MYT1L: variants seen among roughly 807,000 people sequenced by gnomAD.
MYT1L encodes the protein myelin transcription factor 1 like.
In MYT1L, 12 loss-of-function variants were observed where a neutral mutation model predicts 126.7. The observed-to-expected ratio is 0.09, with a 90% CI of 0.06 to 0.15. The LOEUF is 0.15. MYT1L is among the 10% of genes least tolerant of loss of function. The pLI, the probability that MYT1L is intolerant of heterozygous loss-of-function variation, is 1.00. For synonymous variants in MYT1L, 541 were observed against 604.2 expected, an observed-to-expected ratio of 0.90 and a Z score of 1.53; for missense variants, 979 against 1,585.2, an observed-to-expected ratio of 0.62 and a Z score of 6.49.
intron 3 of MYT1L, among the ~76,000 whole-genome samples, chr2:2,072,584 G>T (rs1463936425): frequency 1.3e-5 from 2 of 152,120 alleles, no homozygotes. Context: ...CAGTTCTGGA[G>T]GCTGGAAGTC....
chr2:1,997,440 A>G (rs1317719701), intron 4 of MYT1L, 93 bp from the exon 5 acceptor site: 1 of 152,544 alleles, frequency 6.6e-6, no homozygotes, highest in Non-Finnish European at 1.5e-5. Flanking sequence ...GCAACCGTCA[A>G]CATGCACACA....
chr2:2,154,593 C>T (rs141776419), intron 3 of MYT1L, among the ~76,000 whole-genome samples: 4 of 152,256 alleles, frequency 2.6e-5, no homozygotes, highest in Non-Finnish European at 4.4e-5. Context: ...AACCAAATAC[C>T]GCATGTTCTC....
chr2:2,122,496 TAA>T (rs1415130884), intron 3 of MYT1L, among the ~76,000 whole-genome samples: 1 of 152,184 alleles, frequency 6.6e-6, no homozygotes. Flanking sequence ...TTCCTCCCTG[TAA>T]TGGCCGGCGT....
chr2:2,079,978 T>A (rs1307262664), intron 3 of MYT1L, among the ~76,000 whole-genome samples: 1 of 152,198 alleles, frequency 6.6e-6, no homozygotes, highest in Non-Finnish European at 1.5e-5. Flanking sequence ...GGATAGATAC[T>A]GATCAATGAA....
intron 3 of MYT1L, among the ~76,000 whole-genome samples, chr2:2,135,754 G>A (rs2082965102): frequency 6.6e-6 from 1 of 152,154 alleles, no homozygotes; most frequent in Non-Finnish European, 1.5e-5. Flanking sequence ...CATCATCAAT[G>A]AGTGACCAAA....
chr2:1,892,421 AC>A (rs1466810027), intron 14 of MYT1L, 134 bp from the exon 15 acceptor site: 3 of 1,213,826 alleles, frequency 2.5e-6, no homozygotes, highest in Non-Finnish European at 3.3e-6. Context: ...GCTGGGGCTT[AC>A]GCGTAAAGAA....
intron 14 of MYT1L, among the ~76,000 whole-genome samples, chr2:1,899,258 C>T (rs559089080): frequency 1.2e-4 from 19 of 152,354 alleles, no homozygotes; most frequent in Middle Eastern, 3.4e-3. Context: ...TGGGAGCAAC[C>T]GCAGCCTGCC....
intron 19 of MYT1L, among the ~76,000 whole-genome samples, chr2:1,844,346 G>A (rs1255708804): frequency 1.3e-5 from 2 of 152,122 alleles, no homozygotes. Flanking sequence ...GAAAACAAGG[G>A]AACGTTTCCC....
intron 2 of MYT1L, among the ~76,000 whole-genome samples, chr2:2,250,354 C>T (rs1264690898): frequency 6.6e-6 from 1 of 151,994 alleles, no homozygotes; most frequent in Non-Finnish European, 1.5e-5. Flanking sequence ...GAGATTCTGC[C>T]ATTTGCACCA....
chr2:2,248,560 G>T (rs776894588), intron 2 of MYT1L, among the ~76,000 whole-genome samples: 18 of 151,930 alleles, frequency 1.2e-4, no homozygotes, highest in Non-Finnish European at 2.2e-4. Flanking sequence ...CACCACCAAA[G>T]ACACATCAAA....
At chr2:2,254,492 C>A (rs1281162144) in intron 2 of MYT1L, among the ~76,000 whole-genome samples, 1 of 152,216 alleles carries the variant, frequency 6.6e-6, no homozygotes, top group African/African-American at 2.4e-5. Flanking sequence ...TCTAGAGCTG[C>A]ATTGCCGTGG....
intron 21 of MYT1L, among the ~76,000 whole-genome samples, chr2:1,829,252 C>A (rs1211379828): frequency 1.3e-5 from 2 of 151,866 alleles, no homozygotes; most frequent in African/African-American, 4.8e-5. Flanking sequence ...CACCTTCCAA[C>A]CTTCCCATAC....
Position 2,278,797 on chromosome 2 carries a change from T to A in MYT1L, c.-421+5607A>T, listed in dbSNP as rs73914912. ...TTTTAACACCATGTATTTCTTCTTA[T>A]GGGAAACAGTAGGACAGTGGTGAAC... On this transcript the variant is annotated intron_variant, in intron 2 of 24. Coordinates refer to ENST00000647738, the MANE Select transcript of MYT1L (RefSeq NM_001303052.2). Among the ~76,000 whole-genome samples the A allele has an allele frequency of 4.4e-3, 673 of 152,318 alleles. 2 individuals carry two copies. The highest frequency in any genetic ancestry group is 0.015 in the African/African-American group (640 of 41,570).
At chr2:2,267,922 A>T (rs1462844444) in intron 2 of MYT1L, among the ~76,000 whole-genome samples, 1 of 151,988 alleles carries the variant, frequency 6.6e-6, no homozygotes, top group Non-Finnish European at 1.5e-5. Flanking sequence ...CTCCCACACC[A>T]CTCAAGTTCC....
chr2:2,136,483 T>G (rs1045809382), intron 3 of MYT1L, among the ~76,000 whole-genome samples: 1 of 152,210 alleles, frequency 6.6e-6, no homozygotes, highest in East Asian at 1.9e-4. Flanking sequence ...GATGTAGATA[T>G]GAGAGATTAT....
chr2:1,843,052 C>A (rs1472381431), intron 19 of MYT1L: 2 of 153,042 alleles, frequency 1.3e-5, no homozygotes, highest in African/African-American at 4.8e-5. Context: ...TCAGGGGGAC[C>A]CGAGTTCTTC....
chr2:1,808,834 AC>A (rs1162191690), intron 22 of MYT1L, among the ~76,000 whole-genome samples: 1 of 152,090 alleles, frequency 6.6e-6, no homozygotes, highest in African/African-American at 2.4e-5. Context: ...TGCTGGAGAG[AC>A]CCTCAGGACT....
intron 3 of MYT1L, among the ~76,000 whole-genome samples, chr2:2,141,292 A>G (rs1319537890): frequency 6.6e-6 from 1 of 152,196 alleles, no homozygotes; most frequent in African/African-American, 2.4e-5. Flanking sequence ...TTCCACTAAT[A>G]AACATATGGA....
intron 3 of MYT1L, among the ~76,000 whole-genome samples, chr2:2,081,225 C>T (rs1299976273): frequency 6.6e-6 from 1 of 152,162 alleles, no homozygotes; most frequent in Non-Finnish European, 1.5e-5. Flanking sequence ...AAAGGGAAAA[C>T]AGGCCGTCTC....
Sources: allele counts gnomAD v4.1 joint callset (sites outside exome capture counted in the v4.1 genomes callset), GRCh38; gene constraint gnomAD v4.1.1; transcripts MANE v1.5; gene names NCBI Gene and HGNC (gene_info 2026-07-23, HGNC 2026-07-21).